The following CPT1B variants were observed in gnomAD, a reference collection of about 807,000 sequenced individuals.
CPT1B encodes carnitine O-palmitoyltransferase 1, muscle isoform.
A neutral mutation model predicts 92.7 loss-of-function variants in CPT1B; 57 were observed. The observed-to-expected ratio is 0.62, with a 90% CI of 0.50 to 0.77. CPT1B has a LOEUF of 0.77. Ranked by LOEUF, CPT1B falls within the 30% of genes least tolerant of loss-of-function variation. The probability of loss-of-function intolerance (pLI) is 0.00; values close to 1 mark genes in which losing one functional copy is unlikely to be tolerated. For synonymous variants in CPT1B, 398 were observed against 383.5 expected (o/e 1.04, Z -0.44); for missense variants, 983 against 1,017.4 (o/e 0.97, Z 0.46).
At chr22:50,577,200 G>A in intron 3 of CPT1B, 124 bp downstream of exon 3, 2 of 1,408,126 alleles carry the variant, frequency 1.4e-6, no homozygotes, top group Non-Finnish European at 2.0e-6. Flanking sequence ...TGTCATAGGG[G>A]AGGGCTGCCC....
rs550207536 is a variant in CPT1B at position 50,569,577 on chromosome 22, G to A, written c.2234C>T (p.Thr745Met). 2.9e-5 allele frequency: 46 copies of A among 1,613,718 alleles called. No homozygotes were observed. Among genetic ancestry groups the A allele is most frequent in the South Asian group, 1.6e-4 (15 of 91,078 alleles). Reference sequence around the variant, plus strand: ...CCTGAGCTGTGGCAGGAGACTCACCGTCTCTGAGCTTGAGAACTTGCTGGA... The same window carrying A: ...CCTGAGCTGTGGCAGGAGACTCACCATCTCTGAGCTTGAGAACTTGCTGGA... ...HISSKFSSSE[T>M]NAQRFGNHIR... Residue 745 changes from threonine (T) to methionine (M), a missense_variant and splice_region_variant, in exon 18 of 20, where the codon ACG becomes ATG. Transcript: ENST00000312108.
chr22:50,570,015 A>C (rs1426636015), intron 17 of CPT1B, among the ~76,000 whole-genome samples: 2 of 152,208 alleles, frequency 1.3e-5, no homozygotes, highest in African/African-American at 4.8e-5. Flanking sequence ...AGAAGCACCC[A>C]GTGCACTGCC....
intron 2 of CPT1B, 44 bp downstream of exon 2, chr22:50,577,731 C>T (rs778310158): frequency 6.9e-6 from 11 of 1,601,944 alleles, no homozygotes; most frequent in South Asian, 1.1e-5. Flanking sequence ...TAACAGCTGA[C>T]AGCCGGCCTC....
intron 5 of CPT1B, 37 bp from the exon 6 acceptor site, chr22:50,576,372 GCA>G (rs1268024450): frequency 8.1e-6 from 13 of 1,613,396 alleles, no homozygotes; most frequent in Non-Finnish European, 1.0e-5. Flanking sequence ...GGGCCAGATG[GCA>G]AGGGCTGCCT....
rs779095044 is a variant in CPT1B at position 50,569,401 on chromosome 22, G to A, written c.2256C>T (p.Asn752=). The part of the protein sequence containing the change: ...SSETNAQRFG[N]HIRKALLDIA... ...TGTCCAGCAGGGCTTTGCGGATGTG[G>A]TTTCCAAAGCGCTGGGCGTTCTGTG... The change falls in exon 19 of 20, where the codon AAC becomes AAT. Residue 752 remains asparagine, a synonymous_variant. Transcript: ENST00000312108. 6.2e-7 allele frequency: 1 copy of A among 1,614,180 alleles called. No individual in the cohort carries two copies. Among genetic ancestry groups the A allele is most frequent in the South Asian group, 1.1e-5 (1 of 91,090 alleles).
At chr22:50,574,464 A>G in intron 8 of CPT1B, 29 bp downstream of exon 8, 2 of 1,613,804 alleles carry the variant, frequency 1.2e-6, no homozygotes, top group Non-Finnish European at 1.7e-6. Context: ...CTCCCCTCCC[A>G]TCCCACCTTC....
Position 50,576,352 on chromosome 22 carries a change from C to T in CPT1B, c.562-17G>A, listed in dbSNP as rs766278210. 7.1e-5 allele frequency: 114 copies of T among 1,613,812 alleles called. No homozygotes were observed. The highest frequency in any genetic ancestry group is 8.7e-5 in the Non-Finnish European group (103 of 1,179,926). The stretch of plus-strand genomic sequence containing the variant: ...CTCTAGGTACTGTCCAGCCAGTTAT[C>T]ATCACCGTGGGGCCAGATGGCAAGG... On this transcript the variant is annotated splice_polypyrimidine_tract_variant and intron_variant, in intron 5 of 19. Transcript: ENST00000312108.
At chr22:50,576,005 G>C (rs746639245) in intron 7 of CPT1B, 30 bp downstream of exon 7, 1 of 1,605,550 alleles carries the variant, frequency 6.2e-7, no homozygotes, top group Non-Finnish European at 8.5e-7. Flanking sequence ...AGCTGAGCAC[G>C]TGCGGGGACC....
In CPT1B at chr22:50,572,950, T is replaced by G. The variant is rs546597240; in HGVS notation, c.1277A>C (p.Tyr426Ser). The change falls in exon 11 of 20, where the codon TAC (tyrosine) becomes TCC (serine). Residue 426 changes from tyrosine to serine, a missense_variant. By Grantham distance (144) the Tyr-to-Ser change is moderately radical. Coordinates refer to ENST00000312108, the MANE Select transcript of CPT1B (RefSeq NM_152246.3). ...GGCCTCATCTTCGGGGTCATAGGAG[T>G]AGGATTCCTCATCCAGGGCCACGAA... ...AFFVALDEES[Y>S]SYDPEDEASL... 6.2e-6 allele frequency: 10 copies of G among 1,613,706 alleles called. No individual in the cohort carries two copies. The Admixed American group carries it at 1.3e-4, about 22-fold the overall frequency.
In CPT1B at chr22:50,573,086, T is replaced by A; in HGVS notation, c.1167-26A>T. The A allele has an allele frequency of 6.4e-7, 1 of 1,573,828 alleles. No individual in the cohort carries two copies. Among genetic ancestry groups the A allele is most frequent in the Non-Finnish European group, 8.7e-7 (1 of 1,151,242 alleles). ...CTGAAGCATGGGGCAGGGTAAGCAGTGGGCACGTGGACTTGGGATGAGGGT... is the reference window on the plus strand; with the variant it reads ...CTGAAGCATGGGGCAGGGTAAGCAGAGGGCACGTGGACTTGGGATGAGGGT... On this transcript the variant is annotated intron_variant, in intron 10 of 19. Coordinates refer to ENST00000312108, the MANE Select transcript of CPT1B (RefSeq NM_152246.3). The surrounding 1 kb of genome is among the most constrained non-coding windows in gnomAD (Gnocchi z 5.0).
At position 50,573,451 on chromosome 22, in the gene CPT1B, G is replaced by C. The variant is rs2070280804; in HGVS notation, c.1166+69C>G. The C allele has an allele frequency of 7.1e-7, 1 of 1,410,082 alleles. No homozygotes were observed. 87.3% of individuals were successfully genotyped at this position (1,410,082 alleles called of 1,614,324 possible). A position where few individuals can be genotyped will look rare whatever the true frequency, so the allele number is the denominator to read the frequency against. On this transcript the variant is annotated intron_variant, in intron 10 of 19. Transcript: ENST00000312108. This position sits in a 1 kb window ranked among gnomAD's most constrained non-coding sequence, Gnocchi z 5.0. ...GCCTCCAGTTCCAGGGTGGCAGGCA[G>C]GGCCACGCTCCTCTCCTCACGGAGC...
At chr22:50,578,569 G>A (rs2070586467), upstream of CPT1B, 1 of 157,466 alleles carries the variant, frequency 6.4e-6, no homozygotes. Flanking sequence ...GGGAATTGCA[G>A]GGCGCGGCTG....
chr22:50,576,982 A>G lies in CPT1B; in HGVS notation c.334T>C (p.Phe112Leu). The G allele has an allele frequency of 1.9e-6, 3 of 1,614,120 alleles. No homozygotes were observed. Among genetic ancestry groups the G allele is most frequent in the Non-Finnish European group, 2.5e-6 (3 of 1,180,032 alleles). Residue 112 changes from phenylalanine (F) to leucine (L), a missense_variant, in exon 4 of 20, where the codon TTC (phenylalanine) becomes CTC (leucine). Phe to Leu is a conservative substitution (Grantham distance 22, BLOSUM62 0). Coordinates refer to ENST00000312108, the MANE Select transcript of CPT1B (RefSeq NM_152246.3). ...QTRALLSMAI[F>L]STGVWVTGIF... ...CCCGTCACCCAGACGCCCGTGGAGA[A>G]GATGGCCATGCTGAGAAGTGCCCGG...
intron 7 of CPT1B, 142 bp downstream of exon 7, chr22:50,575,893 C>A: frequency 4.1e-6 from 3 of 728,904 alleles, no homozygotes; most frequent in Non-Finnish European, 4.7e-6. Flanking sequence ...TCTCTCTCTT[C>A]CCTTTCCCTC....
chr22:50,576,179 C>CCCAG lies in CPT1B; in HGVS notation c.699+15_699+18dup, dbSNP rs1200997393. 58 of 1,613,938 alleles carry CCCAG rather than the reference C, an allele frequency of 3.6e-5. 1 individual carries two copies. The Admixed American group carries it at 9.7e-4, about 27-fold the overall frequency. Reference sequence around the variant, plus strand: ...AGGACACATGGCAGGTGACAGTGAGCCCAGGGGCAGGAACTTACATAGTTA... The same window carrying CCCAG: ...AGGACACATGGCAGGTGACAGTGAGCCCAGCCAGGGGCAGGAACTTACATAGTTA... On this transcript the variant is annotated intron_variant, in intron 6 of 19. Transcript: ENST00000312108.
At chr22:50,569,741 C>G in intron 17 of CPT1B, 73 bp from the exon 18 acceptor site, 1 of 1,285,192 alleles carries the variant, frequency 7.8e-7, no homozygotes, top group Non-Finnish European at 1.1e-6. Flanking sequence ...TGATATTGTA[C>G]TTGTTCTTCC....
intron 11 of CPT1B, 36 bp from the exon 12 acceptor site, chr22:50,572,344 G>T (rs779115259): frequency 1.9e-5 from 28 of 1,468,136 alleles, no homozygotes; most frequent in Non-Finnish European, 2.5e-5. Flanking sequence ...AACCAAAGCT[G>T]GGAATGTCCA....
Position 50,572,185 on chromosome 22 carries a change from C to G in CPT1B, c.1458+18G>C. The G allele has an allele frequency of 6.2e-7, 1 of 1,609,132 alleles. No individual in the cohort carries two copies. The highest frequency in any genetic ancestry group is 8.5e-7 in the Non-Finnish European group (1 of 1,175,454). On this transcript the variant is annotated intron_variant, in intron 12 of 19. Transcript: ENST00000312108. ...CCCCTACAGCCTGCCCTGCAGGTTC[C>G]CTCTGCAAGGCTATTACCTCCCAGA...
Position 50,569,678 on chromosome 22 carries a change from A to G in CPT1B, c.2143-10T>C. On this transcript the variant is annotated splice_polypyrimidine_tract_variant and intron_variant, in intron 17 of 19. Transcript: ENST00000312108. ...AGCCATCATCTGCTACCTGAGGGCA[A>G]CAAGAAGGGTGAAGAAGGCATAAAT... 6.2e-7 allele frequency: 1 copy of G among 1,608,458 alleles called. No homozygotes were observed. The highest frequency in any genetic ancestry group is 8.5e-7 in the Non-Finnish European group (1 of 1,174,948).
Sources: allele counts gnomAD v4.1 joint callset (sites outside exome capture counted in the v4.1 genomes callset), GRCh38; gene constraint gnomAD v4.1.1; non-coding constraint Gnocchi (gnomAD v3.1); transcripts MANE v1.5; gene names NCBI Gene and HGNC (gene_info 2026-07-23, HGNC 2026-07-21).